The following OPCML variants were observed in gnomAD, a reference collection of about 807,000 sequenced individuals.
OPCML encodes the protein opioid-binding protein/cell adhesion molecule.
OPCML carries 13 observed loss-of-function variants against 37.8 expected under a neutral mutation model. The observed-to-expected ratio is 0.34, with a 90% confidence interval of 0.22 to 0.55. The LOEUF is 0.55. Ranked by LOEUF, OPCML falls within the 20% of genes least tolerant of loss-of-function variation. OPCML has a pLI of 0.91. For missense variants in OPCML, 341 were observed against 435.6 expected (o/e 0.78, Z 1.93); for synonymous variants, 176 against 168.8 (o/e 1.04, Z -0.33).
chr11:133,112,801 G>A (rs1327022971), intron 1 of OPCML, among the ~76,000 whole-genome samples: 2 of 152,044 alleles, frequency 1.3e-5, no homozygotes, highest in Non-Finnish European at 2.9e-5. Flanking sequence ...AGCCAAGGGC[G>A]AGCAGGTTAA....
intron 1 of OPCML, among the ~76,000 whole-genome samples, chr11:133,054,809 C>T (rs559353172): frequency 6.6e-6 from 1 of 152,194 alleles, no homozygotes; most frequent in East Asian, 1.9e-4. Context: ...ACAATGCTGC[C>T]TCCATGATAC....
At chr11:132,578,078 C>T (rs922821806) in intron 3 of OPCML, among the ~76,000 whole-genome samples, 2 of 152,114 alleles carry the variant, frequency 1.3e-5, no homozygotes, top group African/African-American at 2.4e-5. Flanking sequence ...CTTATAAAAG[C>T]AGACTTTACC....
In OPCML at chr11:132,496,140, G is replaced by A. The variant is rs184442990; in HGVS notation, c.505+32921C>T. Reference sequence around the variant, plus strand: ...CCCCCCACTGCAGTCCTGGCACAGAGGCTGTGCGTATCATACTCTTCAGAG... The same window carrying A: ...CCCCCCACTGCAGTCCTGGCACAGAAGCTGTGCGTATCATACTCTTCAGAG... On this transcript the variant is annotated intron_variant, in intron 4 of 7. Transcript: ENST00000524381. Among the ~76,000 whole-genome samples, 60 of 152,240 alleles carry A rather than the reference G, an allele frequency of 3.9e-4. No individual in the cohort carries two copies. In the East Asian group the frequency reaches 0.011, roughly 29 times the overall value.
intron 1 of OPCML, among the ~76,000 whole-genome samples, chr11:133,241,584 C>T (rs180794265): frequency 2.6e-5 from 4 of 152,356 alleles, no homozygotes; most frequent in Admixed American, 2.0e-4. Context: ...CTAAATTCCA[C>T]AATATACCTA....
chr11:133,036,411 A>G (rs1477101204), intron 1 of OPCML, among the ~76,000 whole-genome samples: 1 of 152,260 alleles, frequency 6.6e-6, no homozygotes, highest in African/African-American at 2.4e-5. Context: ...TTTTATTGTT[A>G]GCATTTGTTT....
chr11:133,204,874 A>ATATATATATATATGTGTG (rs1938972209), intron 1 of OPCML, among the ~76,000 whole-genome samples: 1 of 18,962 alleles, frequency 5.3e-5, no homozygotes, highest in African/African-American at 1.9e-4. Context: ...ATGTGTATAT[A>ATATATATATATATGTGTG]TATATATATA....
chr11:133,238,950 C>T (rs1402778552), intron 1 of OPCML, among the ~76,000 whole-genome samples: 2 of 152,184 alleles, frequency 1.3e-5, no homozygotes, highest in African/African-American at 4.8e-5. Context: ...AATTGTGCAT[C>T]ATTGGAGTGC....
At chr11:132,986,036 T>G (rs1946677340) in intron 1 of OPCML, among the ~76,000 whole-genome samples, 1 of 152,210 alleles carries the variant, frequency 6.6e-6, no homozygotes, top group Admixed American at 6.5e-5. Context: ...CTGGAATGTG[T>G]TTATGATGCT....
intron 1 of OPCML, chr11:133,025,110 G>A: frequency 4.2e-6 from 3 of 709,904 alleles, no homozygotes; most frequent in Non-Finnish European, 5.2e-6. Flanking sequence ...CCTTCATAGG[G>A]AGGAAAATGG....
At position 133,440,075 on chromosome 11, in the gene OPCML, A is replaced by C. The variant is rs577241954; in HGVS notation, c.61+92189T>G. ...TTTTTAGCCAGCTAGAAACAGATGG[A>C]AAGTCTTTAATTTTATAAAAGCTTT... On this transcript the variant is annotated intron_variant, in intron 1 of 7. Coordinates refer to ENST00000524381, the MANE Select transcript of OPCML (RefSeq NM_001012393.5). Among the ~76,000 whole-genome samples the C allele has an allele frequency of 5.9e-5, 9 of 152,250 alleles. No homozygotes were observed. The East Asian group carries it at 1.7e-3, about 30-fold the overall frequency.
At chr11:133,067,506 A>G (rs1275460424) in intron 1 of OPCML, 1 of 152,246 alleles carries the variant, frequency 6.6e-6, no homozygotes, top group Non-Finnish European at 1.5e-5. Context: ...CAGGGCAAGC[A>G]GAACATCAAC....
chr11:133,317,075 G>A (rs1363887146), intron 1 of OPCML, among the ~76,000 whole-genome samples: 4 of 152,178 alleles, frequency 2.6e-5, no homozygotes, highest in African/African-American at 7.2e-5. Context: ...GCGAATGCCT[G>A]TAGTCCCAGC....
At chr11:132,631,202 T>C (rs943380745) in intron 3 of OPCML, among the ~76,000 whole-genome samples, 16 of 151,798 alleles carry the variant, frequency 1.1e-4, no homozygotes, top group Admixed American at 3.3e-4. Context: ...GAGAACTTTT[T>C]AAAAAAAATT....
At chr11:133,143,339 C>T (rs983260361) in intron 1 of OPCML, among the ~76,000 whole-genome samples, 2 of 152,116 alleles carry the variant, frequency 1.3e-5, no homozygotes, top group African/African-American at 4.8e-5. Context: ...GTGAGAGTAA[C>T]GTGGCCATCC....
intron 1 of OPCML, among the ~76,000 whole-genome samples, chr11:132,955,923 C>T (rs564971761): frequency 1.3e-3 from 198 of 152,180 alleles, no homozygotes; most frequent in Non-Finnish European, 2.2e-3. Context: ...TTCCTATTTC[C>T]CTCAACATTC....
intron 1 of OPCML, among the ~76,000 whole-genome samples, chr11:133,170,571 T>C (rs963611952): frequency 1.3e-5 from 2 of 151,922 alleles, no homozygotes; most frequent in African/African-American, 4.8e-5. Flanking sequence ...AATCCAGTTG[T>C]GAGTGGGGGT....
chr11:132,830,616 A>C (rs1488490224), intron 2 of OPCML, among the ~76,000 whole-genome samples: 1 of 152,140 alleles, frequency 6.6e-6, no homozygotes, highest in African/African-American at 2.4e-5. Context: ...TACAGACAAC[A>C]CCAGGAGGTG....
intron 4 of OPCML, among the ~76,000 whole-genome samples, chr11:132,504,435 T>TA (rs781429958): frequency 4.6e-5 from 7 of 152,200 alleles, no homozygotes; most frequent in African/African-American, 7.2e-5. Flanking sequence ...TATCTCACAC[T>TA]ATATCTGTGG....
intron 3 of OPCML, among the ~76,000 whole-genome samples, chr11:132,562,769 G>A (rs2137514257): frequency 6.6e-6 from 1 of 152,072 alleles, no homozygotes; most frequent in South Asian, 2.1e-4. Flanking sequence ...CCTTTGGGTT[G>A]GGGGGTGCAT....
Sources: gnomAD v4.1 joint callset for allele counts (sites outside exome capture counted in the v4.1 genomes callset) on GRCh38, gnomAD v4.1.1 for gene constraint, MANE v1.5 for transcripts, NCBI Gene and HGNC (gene_info 2026-07-23, HGNC 2026-07-21) for gene names.